Variants in MED1 observed in about 807,000 individuals in gnomAD.
MED1 encodes mediator complex subunit 1, also known as mediator of RNA polymerase II transcription subunit 1.
In MED1, 17 loss-of-function variants were observed where a neutral mutation model predicts 121.3. The ratio of observed to expected loss-of-function variants is 0.14; its 90% CI spans 0.10 to 0.21. The LOEUF (loss-of-function observed/expected upper bound fraction) is 0.21, where lower values mean the gene tolerates loss of function less well. Ranked by LOEUF, MED1 falls within the 10% of genes least tolerant of loss-of-function variation. The probability of loss-of-function intolerance (pLI) is 1.00; values close to 1 mark genes in which losing one functional copy is unlikely to be tolerated. For synonymous variants in MED1, 661 were observed against 694.4 expected (o/e 0.95, Z 0.76); for missense variants, 1,558 against 1,919.4 (o/e 0.81, Z 3.52).
In MED1 at chr17:39,416,238, T is replaced by C. The variant is rs563122966; in HGVS notation, c.1298-899A>G. On this transcript the variant is annotated intron_variant, in intron 14 of 16. Transcript: ENST00000300651. ...AAACTTAATCCCTAAAATGTAAAAG[T>C]GAATTCTGAAAATAAAAGTGGCCGA... 1.1e-4 allele frequency among the ~76,000 whole-genome samples: 17 copies of C among 152,236 alleles called. No homozygotes were observed. In the South Asian group the frequency reaches 3.5e-3, roughly 32 times the overall value.
intron 14 of MED1, among the ~76,000 whole-genome samples, chr17:39,416,725 CCTGTAATCCCAACACTT>C (rs1432438405): frequency 3.9e-5 from 6 of 152,118 alleles, no homozygotes; most frequent in Non-Finnish European, 8.8e-5. Context: ...GTGGCTCATG[CCTGTAATCCCAACACTT>C]TGGGACACTG....
At position 39,427,691 on chromosome 17, in the gene MED1, A is replaced by C. The variant is rs2048527892; in HGVS notation, c.739+10T>G. On this transcript the variant is annotated intron_variant, in intron 10 of 16. Coordinates refer to ENST00000300651, the MANE Select transcript of MED1 (RefSeq NM_004774.4). ...CAAAACCTTTAATTCCTTTACAATTAAAGTCTTACCATTATTCTCATGCAA... is the reference window on the plus strand; with the variant it reads ...CAAAACCTTTAATTCCTTTACAATTCAAGTCTTACCATTATTCTCATGCAA... The C allele has an allele frequency of 6.4e-7, 1 of 1,564,412 alleles. No individual in the cohort carries two copies. The highest frequency in any genetic ancestry group is 8.8e-7 in the Non-Finnish European group (1 of 1,138,710).
intron 12 of MED1, 77 bp downstream of exon 12, chr17:39,423,620 G>A: frequency 8.2e-6 from 13 of 1,584,810 alleles, no homozygotes; most frequent in Admixed American, 1.7e-5. Context: ...AAGACTGAAA[G>A]ACGTCATGAT....
chr17:39,415,562 G>C (rs2048400697), intron 14 of MED1, among the ~76,000 whole-genome samples: 1 of 152,036 alleles, frequency 6.6e-6, no homozygotes, highest in Non-Finnish European at 1.5e-5. Flanking sequence ...TGTAATCCCA[G>C]AACTTTGAGA....
At chr17:39,416,075 G>A (rs569882249) in intron 14 of MED1, among the ~76,000 whole-genome samples, 1 of 150,986 alleles carries the variant, frequency 6.6e-6, no homozygotes, top group Non-Finnish European at 1.5e-5. Context: ...AAACTAAATC[G>A]CACACTTTTT....
intron 10 of MED1, among the ~76,000 whole-genome samples, chr17:39,426,809 C>G (rs550000268): frequency 1.3e-5 from 2 of 152,282 alleles, no homozygotes; most frequent in East Asian, 3.9e-4. Context: ...GCTGGGATTA[C>G]AGGCATGAGC....
intron 7 of MED1, among the ~76,000 whole-genome samples, chr17:39,433,644 A>T (rs2048591005): frequency 6.6e-6 from 1 of 151,490 alleles, no homozygotes; most frequent in African/African-American, 2.4e-5. Flanking sequence ...CCCTCAAACT[A>T]CTAGTTTGAA....
chr17:39,442,598 GAAA>G (rs34492410), intron 3 of MED1, among the ~76,000 whole-genome samples: 2 of 65,814 alleles, frequency 3.0e-5, no homozygotes, highest in African/African-American at 5.5e-5. Context: ...CACCGTCTCG[GAAA>G]AAAAAAAAAA....
intron 6 of MED1, among the ~76,000 whole-genome samples, chr17:39,437,525 C>T (rs1375115789): frequency 6.6e-6 from 1 of 152,046 alleles, no homozygotes; most frequent in Non-Finnish European, 1.5e-5. Context: ...TGCACCAGGC[C>T]ACCCGGGAGC....
chr17:39,423,506 T>A, intron 12 of MED1, 61 bp from the exon 13 acceptor site: 1 of 1,462,938 alleles, frequency 6.8e-7, no homozygotes, highest in Non-Finnish European at 9.6e-7. Flanking sequence ...CAGCTCAGTT[T>A]CCCCTTGATA....
chr17:39,428,264 C>T (rs538318861), intron 9 of MED1, among the ~76,000 whole-genome samples: 1 of 152,242 alleles, frequency 6.6e-6, no homozygotes, highest in East Asian at 1.9e-4. Context: ...GCAGGCGGAT[C>T]ACAAGGTCAG....
Position 39,405,406 on chromosome 17 carries a change from T to C in MED1, c.*2069A>G. Reference sequence around the variant, plus strand: ...GAGCTGAGCCCATGATACTATTCAGTACATTCCCCCTAAGATTCTCCCCAC... The same window carrying C: ...GAGCTGAGCCCATGATACTATTCAGCACATTCCCCCTAAGATTCTCCCCAC... On this transcript the variant is annotated 3_prime_UTR_variant, in exon 17 of 17. Coordinates refer to ENST00000300651, the MANE Select transcript of MED1 (RefSeq NM_004774.4). 2 of 1,485,630 alleles carry C rather than the reference T, an allele frequency of 1.3e-6. No homozygotes were observed. Among genetic ancestry groups the C allele is most frequent in the South Asian group, 1.3e-5 (1 of 75,944 alleles). The allele number at this position is 1,485,630 out of a possible 1,614,324, so 92.0% of individuals were successfully genotyped here.
At chr17:39,423,884 C>A in intron 11 of MED1, 63 bp from the exon 12 acceptor site, 2 of 1,521,232 alleles carry the variant, frequency 1.3e-6, no homozygotes, top group Non-Finnish European at 1.8e-6. Flanking sequence ...AAAACCCAAA[C>A]ACCTTTTTTT....
intron 14 of MED1, among the ~76,000 whole-genome samples, chr17:39,416,239 G>A (rs1488379588): frequency 3.3e-5 from 5 of 152,138 alleles, no homozygotes; most frequent in Non-Finnish European, 7.4e-5. Flanking sequence ...ATGTAAAAGT[G>A]AATTCTGAAA....
intron 16 of MED1, among the ~76,000 whole-genome samples, chr17:39,414,634 CTTTTTTTTTTTT>C (rs55829399): frequency 1.1e-4 from 7 of 61,556 alleles, no homozygotes; most frequent in Admixed American, 2.1e-4. Flanking sequence ...CAGGCCCGGC[CTTTTTTTTTTTT>C]TTTTTTTTTT....
rs1162104326 is a variant in MED1, at chr17:39,409,098, T to C, written c.3123A>G (p.Lys1041=). The stretch of plus-strand genomic sequence containing the variant: ...GAGATCTTCCTGCACTGCCTGGCGA[T>C]TTAGATCCACCTGTACTGGTAGGTG... ...FTPPTSTGGS[K]SPGSAGRSQT... The change falls in exon 17 of 17, where the codon AAA becomes AAG. Residue 1041 remains lysine, a synonymous_variant. Transcript: ENST00000300651. The C allele has an allele frequency of 1.2e-6, 2 of 1,614,174 alleles. No individual in the cohort carries two copies. Among genetic ancestry groups the C allele is most frequent in the East Asian group, 2.2e-5 (1 of 44,890 alleles).
chr17:39,444,177 A>C (rs2144772149), intron 2 of MED1, among the ~76,000 whole-genome samples: 1 of 152,262 alleles, frequency 6.6e-6, no homozygotes, highest in Non-Finnish European at 1.5e-5. Context: ...TCTGAGAAAC[A>C]CAACCAAATT....
chr17:39,434,057 G>T (rs2048595481), intron 7 of MED1, among the ~76,000 whole-genome samples, 192 bp downstream of exon 7: 1 of 152,088 alleles, frequency 6.6e-6, no homozygotes, highest in Non-Finnish European at 1.5e-5. Context: ...CATTATGATC[G>T]ATTAATGCAG....
At chr17:39,450,923 C>T in intron 1 of MED1, 115 bp downstream of exon 1, 1 of 859,758 alleles carries the variant, frequency 1.2e-6, no homozygotes, top group Non-Finnish European at 1.9e-6. Flanking sequence ...CACATTCCCT[C>T]TCCTGGACTC....
Sources: allele counts gnomAD v4.1 joint callset (sites outside exome capture counted in the v4.1 genomes callset), GRCh38; gene constraint gnomAD v4.1.1; transcripts MANE v1.5; gene names NCBI Gene and HGNC (gene_info 2026-07-23, HGNC 2026-07-21).